LRFN2: variants seen among roughly 807,000 people sequenced by gnomAD.
LRFN2 encodes leucine-rich repeat and fibronectin type-III domain-containing protein 2.
In LRFN2, 18 loss-of-function variants were observed where a neutral mutation model predicts 37.3. That is an observed-to-expected ratio of 0.48 (90% CI 0.33 to 0.72). LRFN2 has a LOEUF of 0.72. Ranked by LOEUF, LRFN2 falls within the 30% of genes least tolerant of loss-of-function variation. The pLI is 0.02. For synonymous variants in LRFN2, 556 were observed against 466.6 expected, an observed-to-expected ratio of 1.19 and a Z score of -2.47; for missense variants, 1,006 against 1,060.7, an observed-to-expected ratio of 0.95 and a Z score of 0.72.
At chr6:40,409,928 C>A (rs548985510) in intron 2 of LRFN2, among the ~76,000 whole-genome samples, 1 of 152,190 alleles carries the variant, frequency 6.6e-6, no homozygotes, top group African/African-American at 2.4e-5. Flanking sequence ...CCCTTTCCAC[C>A]CAGCAGTCAG....
chr6:40,511,922 T>A lies in LRFN2; in HGVS notation c.-19+75019A>T, dbSNP rs768260093. Among the ~76,000 whole-genome samples, 7 of 152,234 alleles carry A rather than the reference T, an allele frequency of 4.6e-5. 1 individual carries two copies. The highest frequency in any genetic ancestry group is 1.2e-4 in the African/African-American group (5 of 41,524). Reference sequence around the variant, plus strand: ...CTTCCTTGACCAAAGGATGCTCAGGTGGAAACAGAGAGAAAGAGGGAGGAA... The same window carrying A: ...CTTCCTTGACCAAAGGATGCTCAGGAGGAAACAGAGAGAAAGAGGGAGGAA... On this transcript the variant is annotated intron_variant, in intron 1 of 2. Coordinates refer to ENST00000338305, the MANE Select transcript of LRFN2 (RefSeq NM_020737.3).
intron 2 of LRFN2, among the ~76,000 whole-genome samples, chr6:40,427,356 C>A (rs893691269): frequency 1.3e-5 from 2 of 152,220 alleles, no homozygotes; most frequent in Admixed American, 6.5e-5. Flanking sequence ...CATGAGAGTT[C>A]GCCAAATGTC....
chr6:40,467,432 A>T (rs1250673969), intron 1 of LRFN2, among the ~76,000 whole-genome samples: 1 of 152,058 alleles, frequency 6.6e-6, no homozygotes, highest in African/African-American at 2.4e-5. Flanking sequence ...AGGAGGTGAC[A>T]TCCCCTCCTC....
intron 2 of LRFN2, among the ~76,000 whole-genome samples, chr6:40,417,794 C>T (rs1319939929): frequency 6.6e-6 from 1 of 152,190 alleles, no homozygotes; most frequent in African/African-American, 2.4e-5. Context: ...CACAGGCGCA[C>T]ACCCTAATCT....
At chr6:40,581,310 C>T (rs1561915524) in intron 1 of LRFN2, among the ~76,000 whole-genome samples, 1 of 152,180 alleles carries the variant, frequency 6.6e-6, no homozygotes, top group Non-Finnish European at 1.5e-5. Flanking sequence ...GGATCAACCT[C>T]CTGAACTGAA....
At chr6:40,513,754 T>C (rs1325496838) in intron 1 of LRFN2, among the ~76,000 whole-genome samples, 2 of 151,506 alleles carry the variant, frequency 1.3e-5, no homozygotes, top group African/African-American at 2.4e-5. Context: ...GGGGAAGGGG[T>C]AGAGATTTTA....
chr6:40,527,088 T>A (rs1766268948), intron 1 of LRFN2, among the ~76,000 whole-genome samples: 1 of 152,224 alleles, frequency 6.6e-6, no homozygotes, highest in Non-Finnish European at 1.5e-5. Context: ...ACCAGTGATA[T>A]CGAATAGCAG....
intron 1 of LRFN2, among the ~76,000 whole-genome samples, chr6:40,491,562 C>T (rs1461637598): frequency 1.4e-5 from 2 of 146,024 alleles, no homozygotes; most frequent in South Asian, 2.2e-4. Context: ...TTTACCCTCT[C>T]TGAGTGTGTT....
intron 2 of LRFN2, among the ~76,000 whole-genome samples, chr6:40,420,270 C>T (rs372369851): frequency 1.3e-5 from 2 of 152,276 alleles, no homozygotes; most frequent in Admixed American, 6.5e-5. Context: ...CCTGCCCCAC[C>T]TCTGAGACCC....
At chr6:40,508,584 G>C (rs11753989) in intron 1 of LRFN2, among the ~76,000 whole-genome samples, 6,457 of 152,260 alleles carry the variant, frequency 0.042, 205 homozygotes, top group Non-Finnish European at 0.066. Context: ...ATACTAGTGG[G>C]TCACCTCGAG....
intron 1 of LRFN2, among the ~76,000 whole-genome samples, chr6:40,563,404 G>A (rs1468617807): frequency 6.6e-6 from 1 of 152,138 alleles, no homozygotes; most frequent in African/African-American, 2.4e-5. Flanking sequence ...TCTCATCAAA[G>A]GGAGGAAAGG....
At chr6:40,578,763 C>G (rs1767339587) in intron 1 of LRFN2, among the ~76,000 whole-genome samples, 1 of 152,138 alleles carries the variant, frequency 6.6e-6, no homozygotes, top group African/African-American at 2.4e-5. Context: ...TTTAATTTTC[C>G]TAACAACCCT....
intron 1 of LRFN2, among the ~76,000 whole-genome samples, chr6:40,583,487 C>G (rs565868057): frequency 6.6e-6 from 1 of 152,130 alleles, no homozygotes; most frequent in Non-Finnish European, 1.5e-5. Context: ...AAAACTGACC[C>G]GTGAAAGTCC....
chr6:40,518,302 A>G (rs1456944516), intron 1 of LRFN2, among the ~76,000 whole-genome samples: 1 of 152,192 alleles, frequency 6.6e-6, no homozygotes, highest in East Asian at 1.9e-4. Context: ...CTGGTGACCA[A>G]TAAATATTTG....
intron 1 of LRFN2, among the ~76,000 whole-genome samples, chr6:40,584,738 A>T (rs1767470614): frequency 6.6e-6 from 1 of 152,124 alleles, no homozygotes; most frequent in Non-Finnish European, 1.5e-5. Context: ...CCACCCTGCA[A>T]AAAAGGAGAG....
At chr6:40,419,293 C>T (rs138893167) in intron 2 of LRFN2, among the ~76,000 whole-genome samples, 211 of 152,284 alleles carry the variant, frequency 1.4e-3, no homozygotes, top group African/African-American at 4.7e-3. Context: ...CTGTGGCTAG[C>T]GGGATTTTGC....
chr6:40,530,154 T>A (rs1169297207), intron 1 of LRFN2, among the ~76,000 whole-genome samples: 1 of 152,094 alleles, frequency 6.6e-6, no homozygotes, highest in Non-Finnish European at 1.5e-5. Context: ...GTTCCACCCA[T>A]CCTCTGGACT....
chr6:40,569,720 C>T (rs1767153708), intron 1 of LRFN2, among the ~76,000 whole-genome samples: 1 of 152,196 alleles, frequency 6.6e-6, no homozygotes, highest in Admixed American at 6.5e-5. Context: ...GATCTCCATG[C>T]CTTCAATTTC....
At chr6:40,462,943 G>A (rs1764377752) in intron 1 of LRFN2, among the ~76,000 whole-genome samples, 1 of 152,224 alleles carries the variant, frequency 6.6e-6, no homozygotes, top group South Asian at 2.1e-4. Context: ...ACTAGGTGTA[G>A]CCATGTGGCC....
Sources: gnomAD v4.1 joint callset for allele counts (sites outside exome capture counted in the v4.1 genomes callset) on GRCh38, gnomAD v4.1.1 for gene constraint, MANE v1.5 for transcripts, NCBI Gene and HGNC (gene_info 2026-07-23, HGNC 2026-07-21) for gene names.